The following SLC35F4 variants were observed in gnomAD, a reference collection of about 807,000 sequenced individuals.
The protein encoded by SLC35F4 is chromosome 14 open reading frame 36.
A neutral mutation model predicts 44.2 loss-of-function variants in SLC35F4; 24 were observed. The observed-to-expected ratio is 0.54, with a 90% CI of 0.39 to 0.76. The LOEUF (loss-of-function observed/expected upper bound fraction) is 0.76, where lower values mean the gene tolerates loss of function less well. Ranked by LOEUF, SLC35F4 falls within the 30% of genes least tolerant of loss-of-function variation. The probability of loss-of-function intolerance (pLI) is 0.00; values close to 1 mark genes in which losing one functional copy is unlikely to be tolerated. For missense variants in SLC35F4, 562 were observed against 586.1 expected (o/e 0.96, Z 0.42); for synonymous variants, 238 against 223.6 (o/e 1.06, Z -0.57).
chr14:57,872,926 T>C (rs1888324914), intron 1 of SLC35F4, among the ~76,000 whole-genome samples: 1 of 152,196 alleles, frequency 6.6e-6, no homozygotes, highest in Non-Finnish European at 1.5e-5. Context: ...CCCAGTCTCC[T>C]CACTTGGTCA....
At chr14:57,687,779 T>C (rs1187453978) in intron 1 of SLC35F4, among the ~76,000 whole-genome samples, 3 of 152,210 alleles carry the variant, frequency 2.0e-5, no homozygotes, top group Non-Finnish European at 2.9e-5. Flanking sequence ...CTATTAGTGA[T>C]AGATTCCTTT....
intron 1 of SLC35F4, among the ~76,000 whole-genome samples, chr14:57,822,915 A>G (rs776357318): frequency 1.3e-5 from 2 of 152,080 alleles, no homozygotes; most frequent in Non-Finnish European, 2.9e-5. Context: ...TGTATCTACA[A>G]CTTCATCCCC....
intron 1 of SLC35F4, among the ~76,000 whole-genome samples, chr14:57,713,302 C>G (rs2075857379): frequency 6.6e-6 from 1 of 152,088 alleles, no homozygotes; most frequent in South Asian, 2.1e-4. Context: ...TCTTTCTTTC[C>G]CATTAAAACC....
At chr14:57,670,922 T>TTTTTG (rs2074496889) in intron 1 of SLC35F4, among the ~76,000 whole-genome samples, 1 of 147,758 alleles carries the variant, frequency 6.8e-6, no homozygotes, top group Non-Finnish European at 1.5e-5. Context: ...TTTTTTTTTT[T>TTTTTG]GAGACGGAGT....
At chr14:57,694,210 T>G (rs555662909) in intron 1 of SLC35F4, among the ~76,000 whole-genome samples, 9 of 152,320 alleles carry the variant, frequency 5.9e-5, no homozygotes, top group African/African-American at 2.2e-4. Context: ...TCTTTGGCAT[T>G]CTTCATGGAT....
At chr14:57,578,325 G>GTTTTTTTTTTGTTTTTTTTTTTTTTTT (rs2068958637) in intron 4 of SLC35F4, among the ~76,000 whole-genome samples, 1 of 43,116 alleles carries the variant, frequency 2.3e-5, no homozygotes, top group African/African-American at 8.0e-5. Context: ...CCCTTTAACT[G>GTTTTTTTTTTGTTTTTTTTTTTTTTTT]TTTTTTTTTT....
At chr14:57,810,846 T>C (rs1381519888) in intron 1 of SLC35F4, among the ~76,000 whole-genome samples, 1 of 152,216 alleles carries the variant, frequency 6.6e-6, no homozygotes, top group African/African-American at 2.4e-5. Flanking sequence ...TATACACACC[T>C]GGAAGGTGTG....
chr14:57,603,701 T>C (rs1442381289), intron 1 of SLC35F4, among the ~76,000 whole-genome samples: 1 of 152,116 alleles, frequency 6.6e-6, no homozygotes, highest in East Asian at 1.9e-4. Flanking sequence ...GGCCTCTTGA[T>C]TCCTGCACAT....
intron 1 of SLC35F4, among the ~76,000 whole-genome samples, chr14:57,892,794 A>G (rs1888798178): frequency 6.6e-6 from 1 of 152,304 alleles, no homozygotes; most frequent in Admixed American, 6.5e-5. Flanking sequence ...CATAGAGCCC[A>G]GGATCTCTAG....
intron 1 of SLC35F4, among the ~76,000 whole-genome samples, chr14:57,755,123 C>G (rs548020704): frequency 3.3e-5 from 5 of 152,310 alleles, no homozygotes; most frequent in African/African-American, 1.2e-4. Flanking sequence ...CCCTTGACCC[C>G]CAGGAGCAGA....
upstream of SLC35F4, among the ~76,000 whole-genome samples, chr14:57,868,271 T>C (rs1888225395): frequency 6.6e-6 from 1 of 152,194 alleles, no homozygotes; most frequent in Middle Eastern, 3.4e-3. Context: ...ATGACCAAAA[T>C]AGTAAATGCC....
At chr14:57,625,407 T>C (rs1439369388) in intron 1 of SLC35F4, among the ~76,000 whole-genome samples, 7 of 152,134 alleles carry the variant, frequency 4.6e-5, no homozygotes, top group African/African-American at 1.7e-4. Context: ...ATGCTATCCC[T>C]ATCAAGCTAC....
chr14:57,775,913 A>C (rs2077477050), intron 1 of SLC35F4, among the ~76,000 whole-genome samples: 1 of 152,244 alleles, frequency 6.6e-6, no homozygotes, highest in African/African-American at 2.4e-5. Flanking sequence ...CAATAAAATG[A>C]TACAGAATCT....
chr14:57,726,530 G>A (rs761075555), intron 1 of SLC35F4, among the ~76,000 whole-genome samples: 11 of 152,148 alleles, frequency 7.2e-5, no homozygotes, highest in Non-Finnish European at 1.3e-4. Context: ...CATGACGTAA[G>A]ATTTATTGAC....
intron 1 of SLC35F4, among the ~76,000 whole-genome samples, chr14:57,756,950 C>G (rs1022055337): frequency 6.6e-6 from 1 of 152,130 alleles, no homozygotes; most frequent in African/African-American, 2.4e-5. Flanking sequence ...GCATGAGTCA[C>G]CATACTCAGC....
intron 1 of SLC35F4, among the ~76,000 whole-genome samples, chr14:57,944,388 C>T (rs1031874224): frequency 6.6e-6 from 1 of 152,114 alleles, no homozygotes; most frequent in Non-Finnish European, 1.5e-5. Flanking sequence ...TCAAGCACTC[C>T]CTCACCTGAT....
At chr14:57,577,193 T>G (rs2068850628) in intron 4 of SLC35F4, among the ~76,000 whole-genome samples, 1 of 152,178 alleles carries the variant, frequency 6.6e-6, no homozygotes, top group Non-Finnish European at 1.5e-5. Context: ...GCAGCTCAGC[T>G]CCAATGTACT....
At chr14:57,969,495 CTAATA>C (rs1212164326) in intron 1 of SLC35F4, among the ~76,000 whole-genome samples, 3 of 152,038 alleles carry the variant, frequency 2.0e-5, no homozygotes, top group East Asian at 1.9e-4. Context: ...ACCTACATTC[CTAATA>C]TAACACTTGT....
intron 1 of SLC35F4, among the ~76,000 whole-genome samples, chr14:57,882,986 G>A (rs1463962025): frequency 2.6e-5 from 4 of 151,624 alleles, no homozygotes; most frequent in Admixed American, 2.6e-4. Flanking sequence ...CTCTGCCCTT[G>A]GAAGAATAAG....
Sources: allele counts gnomAD v4.1 joint callset (sites outside exome capture counted in the v4.1 genomes callset), GRCh38; gene constraint gnomAD v4.1.1; transcripts MANE v1.5; gene names NCBI Gene and HGNC (gene_info 2026-07-23, HGNC 2026-07-21).